The following ADAMTS3 variants were observed in gnomAD, a reference collection of about 807,000 sequenced individuals.
The protein encoded by ADAMTS3 is ADAM metallopeptidase with thrombospondin type 1 motif 3, also known as A disintegrin and metalloproteinase with thrombospondin motifs 3.
A neutral mutation model predicts 129.0 loss-of-function variants in ADAMTS3; 73 were observed. The ratio of observed to expected loss-of-function variants is 0.57; its 90% CI spans 0.47 to 0.69. The LOEUF (loss-of-function observed/expected upper bound fraction) is 0.69. Ranked by LOEUF, ADAMTS3 falls within the 30% of genes least tolerant of loss-of-function variation. The pLI, the probability that ADAMTS3 is intolerant of heterozygous loss-of-function variation, is 0.00. For missense variants in ADAMTS3, 1,457 were observed against 1,514.5 expected (o/e 0.96, Z 0.63); for synonymous variants, 477 against 510.8 (o/e 0.93, Z 0.89).
At chr4:72,390,309 A>G (rs1721557219) in intron 4 of ADAMTS3, among the ~76,000 whole-genome samples, 1 of 152,218 alleles carries the variant, frequency 6.6e-6, no homozygotes, top group African/African-American at 2.4e-5. Context: ...AGTTAAAATA[A>G]TAATAAGTAC....
At chr4:72,482,998 GT>G (rs1304558682) in intron 3 of ADAMTS3, among the ~76,000 whole-genome samples, 1 of 152,176 alleles carries the variant, frequency 6.6e-6, no homozygotes, top group Non-Finnish European at 1.5e-5. Context: ...TAGAAGGCCA[GT>G]TCCCCAACCT....
At chr4:72,497,208 T>C (rs1719894267) in intron 3 of ADAMTS3, among the ~76,000 whole-genome samples, 1 of 152,040 alleles carries the variant, frequency 6.6e-6, no homozygotes, top group Non-Finnish European at 1.5e-5. Flanking sequence ...CAAATGCAAA[T>C]GTACTTTATT....
At chr4:72,292,911 T>C (rs1434558) in intron 19 of ADAMTS3, among the ~76,000 whole-genome samples, 59,393 of 151,866 alleles carry the variant, frequency 0.39, 14,717 homozygotes, top group East Asian at 0.75. Flanking sequence ...TTTTGAAGAC[T>C]TCAGTGATGA....
At chr4:72,372,240 A>G (rs1721027879) in intron 4 of ADAMTS3, among the ~76,000 whole-genome samples, 1 of 152,144 alleles carries the variant, frequency 6.6e-6, no homozygotes, top group Non-Finnish European at 1.5e-5. Flanking sequence ...TAGATGAAGT[A>G]GAATTGCAGA....
At chr4:72,391,655 C>T (rs1477251474) in intron 4 of ADAMTS3, among the ~76,000 whole-genome samples, 2 of 151,900 alleles carry the variant, frequency 1.3e-5, no homozygotes, top group African/African-American at 4.8e-5. Flanking sequence ...TTTAGACCTA[C>T]AAAAATGGCA....
intron 4 of ADAMTS3, among the ~76,000 whole-genome samples, chr4:72,396,969 T>C (rs1233740044): frequency 6.6e-6 from 1 of 152,094 alleles, no homozygotes; most frequent in East Asian, 1.9e-4. Flanking sequence ...CTGCCCTGAT[T>C]CTTAAAATGG....
intron 3 of ADAMTS3, among the ~76,000 whole-genome samples, chr4:72,508,370 A>G (rs1316340107): frequency 6.6e-6 from 1 of 152,088 alleles, no homozygotes. Flanking sequence ...AAAAATTGAG[A>G]GTTATTTTTA....
chr4:72,508,864 C>T (rs1720235671), intron 3 of ADAMTS3, among the ~76,000 whole-genome samples: 1 of 151,910 alleles, frequency 6.6e-6, no homozygotes, highest in African/African-American at 2.4e-5. Context: ...ATGGATAGAC[C>T]ATATGTTAGG....
intron 3 of ADAMTS3, among the ~76,000 whole-genome samples, chr4:72,456,720 A>G (rs1036769862): frequency 6.6e-6 from 1 of 151,428 alleles, no homozygotes; most frequent in Non-Finnish European, 1.5e-5. Flanking sequence ...TTTGGGGAGA[A>G]ACTGGGAAGC....
Position 72,568,905 on chromosome 4 carries a change from G to C in ADAMTS3, c.-143C>G, listed in dbSNP as rs537549119. On this transcript the variant is annotated 5_prime_UTR_variant, in exon 1 of 22. Coordinates refer to ENST00000286657, the MANE Select transcript of ADAMTS3 (RefSeq NM_014243.3). ...AGAAAAAAATGATCTTCTGTGCTTT[G>C]CTTCAATGAAAATGAAATTTGAGCT... The C allele has an allele frequency of 3.2e-5, 21 of 659,630 alleles. No homozygotes were observed. In the African/African-American group the frequency reaches 4.1e-4, roughly 13 times the overall value. 40.9% of individuals were successfully genotyped at this position (659,630 alleles called of 1,614,324 possible).
intron 4 of ADAMTS3, among the ~76,000 whole-genome samples, chr4:72,389,574 T>C (rs1346146974): frequency 1.3e-5 from 2 of 150,268 alleles, no homozygotes; most frequent in Non-Finnish European, 3.0e-5. Context: ...CTCATGAAAG[T>C]ATATCATTAA....
At chr4:72,527,698 A>G (rs1277609998) in intron 3 of ADAMTS3, among the ~76,000 whole-genome samples, 1 of 152,140 alleles carries the variant, frequency 6.6e-6, no homozygotes, top group Non-Finnish European at 1.5e-5. Context: ...CCAGAAACCA[A>G]AGAGACATGG....
chr4:72,497,610 T>A (rs900462972), intron 3 of ADAMTS3, among the ~76,000 whole-genome samples: 1 of 151,630 alleles, frequency 6.6e-6, no homozygotes, highest in Admixed American at 6.6e-5. Context: ...TTAAGGAAAG[T>A]ATATTTTTAT....
At chr4:72,555,719 T>G (rs1304862813) in intron 2 of ADAMTS3, among the ~76,000 whole-genome samples, 1 of 151,736 alleles carries the variant, frequency 6.6e-6, no homozygotes, top group Non-Finnish European at 1.5e-5. Context: ...TGAAATCTCA[T>G]GTCAAATTGT....
chr4:72,330,314 T>C (rs1408109092), intron 5 of ADAMTS3, among the ~76,000 whole-genome samples: 1 of 152,116 alleles, frequency 6.6e-6, no homozygotes, highest in Non-Finnish European at 1.5e-5. Flanking sequence ...TGAGCCACCA[T>C]GCCTGGCCCC....
chr4:72,331,538 T>A lies in ADAMTS3; in HGVS notation c.861+7956A>T, dbSNP rs562124616. On this transcript the variant is annotated intron_variant, in intron 5 of 21. Coordinates refer to ENST00000286657, the MANE Select transcript of ADAMTS3 (RefSeq NM_014243.3). The stretch of plus-strand genomic sequence containing the variant: ...CCTTTATGACTCTTGTTTGACAAGA[T>A]GAAATTCAAACTACTTAGTATGGCA... Among the ~76,000 whole-genome samples the A allele has an allele frequency of 7.9e-5, 12 of 152,300 alleles. No homozygotes were observed. The South Asian group carries it at 2.3e-3, about 29-fold the overall frequency.
intron 3 of ADAMTS3, among the ~76,000 whole-genome samples, chr4:72,534,631 T>C (rs766167312): frequency 5.3e-5 from 8 of 152,212 alleles, no homozygotes; most frequent in African/African-American, 1.9e-4. Context: ...GTGATCACTA[T>C]ACAGTTTGGT....
chr4:72,556,747 T>C (rs1487245896), intron 2 of ADAMTS3, among the ~76,000 whole-genome samples: 2 of 151,628 alleles, frequency 1.3e-5, no homozygotes, highest in Non-Finnish European at 2.9e-5. Context: ...AAAATAAAAA[T>C]AATAATGGGG....
chr4:72,283,763 GA>G lies in ADAMTS3; in HGVS notation c.3050-60del, dbSNP rs1212157048. 5.7e-6 allele frequency: 8 copies of G among 1,399,952 alleles called. No homozygotes were observed. The East Asian group carries it at 1.7e-4, about 30-fold the overall frequency. 86.7% of individuals were successfully genotyped at this position (1,399,952 alleles called of 1,614,324 possible). ...GCATCTAAACATAAAATAAAAGGAG[GA>G]AAAAAATTAAAATTTTTAATGAATG... On this transcript the variant is annotated intron_variant, in intron 21 of 21. Coordinates refer to ENST00000286657, the MANE Select transcript of ADAMTS3 (RefSeq NM_014243.3).
Sources: gnomAD v4.1 joint callset for allele counts (sites outside exome capture counted in the v4.1 genomes callset) on GRCh38, gnomAD v4.1.1 for gene constraint, MANE v1.5 for transcripts, NCBI Gene and HGNC (gene_info 2026-07-23, HGNC 2026-07-21) for gene names.